Variants in CDR2 observed in about 807,000 individuals in gnomAD.
CDR2 encodes cerebellar degeneration-related protein 2.
Under a neutral mutation model 48.4 loss-of-function variants are expected in CDR2, and 34 were observed. The observed-to-expected ratio is 0.70, with a 90% CI of 0.53 to 0.94. The LOEUF (loss-of-function observed/expected upper bound fraction) is 0.94. Among genes scored for constraint, CDR2 ranks in the 40% least tolerant of loss-of-function variants. The pLI is 0.00. For synonymous variants in CDR2, 240 were observed against 219.7 expected (o/e 1.09, Z -0.82); for missense variants, 498 against 549.5 (o/e 0.91, Z 0.94).
At chr16:22,348,245 T>C (rs979695423) in intron 4 of CDR2, among the ~76,000 whole-genome samples, 2 of 152,110 alleles carry the variant, frequency 1.3e-5, no homozygotes, top group South Asian at 2.1e-4. Context: ...CCAACAGTGA[T>C]TGGTTTTTAG....
Position 22,347,775 on chromosome 16 carries a change from T to A in CDR2, c.555A>T (p.Gln185His). Reference protein sequence around the residue: ...HVFAEKITSLQGQPSPDEEEN... With the variant: ...HVFAEKITSLHGQPSPDEEEN... ...CCTCTTCATCAGGGCTTGGCTGACC[T>A]TGCAAGGAAGTGATCTTCTCAGCGA... Residue 185 changes from glutamine (Q) to histidine (H), a missense_variant, in exon 5 of 5, where the codon CAA (glutamine) becomes CAT (histidine). Gln to His is a conservative substitution (Grantham distance 24). Coordinates refer to ENST00000268383, the MANE Select transcript of CDR2 (RefSeq NM_001802.2). The A allele has an allele frequency of 6.2e-7, 1 of 1,613,946 alleles. No individual in the cohort carries two copies. Among genetic ancestry groups the A allele is most frequent in the Admixed American group, 1.7e-5 (1 of 60,014 alleles).
At chr16:22,361,374 G>C (rs988872423) in intron 2 of CDR2, among the ~76,000 whole-genome samples, 3 of 152,222 alleles carry the variant, frequency 2.0e-5, no homozygotes, top group Admixed American at 6.5e-5. Flanking sequence ...ATAAAGTTTA[G>C]GGGGCCTCCT....
In CDR2 at chr16:22,374,332, A is replaced by C. The variant is rs772438592; in HGVS notation, c.-23T>G. On this transcript the variant is annotated 5_prime_UTR_variant, in exon 1 of 5. Coordinates refer to ENST00000268383, the MANE Select transcript of CDR2 (RefSeq NM_001802.2). Reference sequence around the variant, plus strand: ...CATCTCGGCTGGGTCTTCTAGGGGCAGCGGCCCCCGCCGCCGTCCCGCCTC... The same window carrying C: ...CATCTCGGCTGGGTCTTCTAGGGGCCGCGGCCCCCGCCGCCGTCCCGCCTC... 6.5e-7 allele frequency: 1 copy of C among 1,543,228 alleles called. No individual in the cohort carries two copies. The highest frequency in any genetic ancestry group is 1.4e-5 in the African/African-American group (1 of 70,460).
At chr16:22,365,178 C>T (rs1052466208) in intron 1 of CDR2, 164 bp from the exon 2 acceptor site, 41 of 568,386 alleles carry the variant, frequency 7.2e-5, no homozygotes, top group South Asian at 2.2e-4. Flanking sequence ...GTTAAACTGA[C>T]GCCTCCAGCA....
At chr16:22,370,582 C>T (rs752352639) in intron 1 of CDR2, among the ~76,000 whole-genome samples, 1 of 152,180 alleles carries the variant, frequency 6.6e-6, no homozygotes. Flanking sequence ...GCACTGAAGG[C>T]TCCTGCTGTC....
intron 2 of CDR2, among the ~76,000 whole-genome samples, chr16:22,364,652 C>T (rs1329031514): frequency 1.3e-5 from 2 of 152,036 alleles, no homozygotes; most frequent in Non-Finnish European, 2.9e-5. Flanking sequence ...CATCTGAGGA[C>T]AGGAGTTCGA....
intron 1 of CDR2, 165 bp from the exon 2 acceptor site, chr16:22,365,179 G>A: frequency 3.5e-6 from 2 of 568,662 alleles, no homozygotes; most frequent in South Asian, 2.1e-5. Flanking sequence ...TTAAACTGAC[G>A]CCTCCAGCAG....
At chr16:22,372,429 A>C (rs1321246556) in intron 1 of CDR2, among the ~76,000 whole-genome samples, 2 of 152,362 alleles carry the variant, frequency 1.3e-5, no homozygotes, top group African/African-American at 4.8e-5. Flanking sequence ...AGCTTCCAGT[A>C]TGTGCCAAGT....
intron 4 of CDR2, 99 bp from the exon 5 acceptor site, chr16:22,347,922 C>A: frequency 8.5e-7 from 1 of 1,174,842 alleles, no homozygotes; most frequent in Non-Finnish European, 1.2e-6. Context: ...ATTTGAGGAG[C>A]TGTGACAGTG....
intron 2 of CDR2, among the ~76,000 whole-genome samples, chr16:22,362,125 T>C (rs2049014460): frequency 6.6e-6 from 1 of 152,072 alleles, no homozygotes; most frequent in East Asian, 1.9e-4. Flanking sequence ...ATGGTCTCGA[T>C]TTCCTGACCT....
In CDR2 at chr16:22,349,764, TCCCTTGCTGTGAC is replaced by T; in HGVS notation, c.265_277del (p.Val89AsnfsTer9). On this transcript the variant is annotated frameshift_variant, in exon 3 of 5. Coordinates refer to ENST00000268383, the MANE Select transcript of CDR2 (RefSeq NM_001802.2). LOFTEE classifies it high-confidence loss of function. ...TAGCTTTTGATTTGTTTCTTCCAGT[TCCCTTGCTGTGAC>T]GTCTAATTGTTCATAAACCTTTGCA... The T allele has an allele frequency of 6.2e-7, 1 of 1,614,118 alleles. No individual in the cohort carries two copies. The highest frequency in any genetic ancestry group is 8.5e-7 in the Non-Finnish European group (1 of 1,179,954).
chr16:22,349,987 G>A (rs1383909542), intron 2 of CDR2, 138 bp from the exon 3 acceptor site: 11 of 720,126 alleles, frequency 1.5e-5, no homozygotes, highest in African/African-American at 3.6e-5. Context: ...TTAGGAATTC[G>A]AGACCAGCCT....
rs1226516529 is a variant in CDR2, at chr16:22,347,676, A to C, written c.654T>G (p.Thr218=). 2.5e-6 allele frequency: 4 copies of C among 1,613,636 alleles called. No individual in the cohort carries two copies. Among genetic ancestry groups the C allele is most frequent in the South Asian group, 1.1e-5 (1 of 91,070 alleles). ...ACACGAGCCCATATTCCTCCTCCAT[A>C]GTCACCCGCTTCTGCCGCTCCAGGC... ...QLSLERQKRV[T]MEEEYGLVLK... The change falls in exon 5 of 5, where the codon ACT becomes ACG. Residue 218 remains threonine (T), a synonymous_variant. Coordinates refer to ENST00000268383, the MANE Select transcript of CDR2 (RefSeq NM_001802.2).
At chr16:22,362,581 G>A (rs987097360) in intron 2 of CDR2, among the ~76,000 whole-genome samples, 8 of 152,230 alleles carry the variant, frequency 5.3e-5, no homozygotes, top group Admixed American at 5.2e-4. Flanking sequence ...ATCAGGCCTC[G>A]GATAAACCTC....
chr16:22,350,742 C>A (rs1287076427), intron 2 of CDR2, among the ~76,000 whole-genome samples: 1 of 152,092 alleles, frequency 6.6e-6, no homozygotes, highest in Non-Finnish European at 1.5e-5. Flanking sequence ...AAAGCATATA[C>A]CATGCATAAA....
intron 2 of CDR2, among the ~76,000 whole-genome samples, chr16:22,357,380 T>C (rs1224522341): frequency 6.6e-6 from 1 of 152,198 alleles, no homozygotes; most frequent in East Asian, 1.9e-4. Flanking sequence ...TGGAAGGCTC[T>C]TGTGTATCTA....
In CDR2 at chr16:22,349,936, C is replaced by T. The variant is rs2048931504; in HGVS notation, c.193-87G>A. The T allele has an allele frequency of 2.3e-6, 3 of 1,297,512 alleles. No individual in the cohort carries two copies. The South Asian group carries it at 3.8e-5, about 17-fold the overall frequency. 80.4% of individuals were successfully genotyped at this position (1,297,512 alleles called of 1,614,324 possible). ...GGCTGCGGTGGCTCACGCCTGTAATCCCAGCACTTTGGGAGGCCAAGACGT... is the reference window on the plus strand; with the variant it reads ...GGCTGCGGTGGCTCACGCCTGTAATTCCAGCACTTTGGGAGGCCAAGACGT... On this transcript the variant is annotated intron_variant, in intron 2 of 4. Coordinates refer to ENST00000268383, the MANE Select transcript of CDR2 (RefSeq NM_001802.2).
chr16:22,346,919 G>C lies in CDR2; in HGVS notation c.*46C>G, dbSNP rs374486767. On this transcript the variant is annotated 3_prime_UTR_variant, in exon 5 of 5. Coordinates refer to ENST00000268383, the MANE Select transcript of CDR2 (RefSeq NM_001802.2). Reference sequence around the variant, plus strand: ...CAAACACTTGTCTGAATGGGAGAGAGAGGCGATAGGCAATAGGCAAATTAG... The same window carrying C: ...CAAACACTTGTCTGAATGGGAGAGACAGGCGATAGGCAATAGGCAAATTAG... 3.4e-5 allele frequency: 54 copies of C among 1,566,288 alleles called. 1 individual carries two copies. Among genetic ancestry groups the C allele is most frequent in the Non-Finnish European group, 4.3e-5 (49 of 1,149,206 alleles).
intron 4 of CDR2, among the ~76,000 whole-genome samples, chr16:22,348,822 A>G (rs1482246832): frequency 1.3e-5 from 2 of 152,180 alleles, no homozygotes; most frequent in African/African-American, 4.8e-5. Flanking sequence ...GGTAGAAACT[A>G]TTTTGCTCGC....
Sources: gnomAD v4.1 joint callset for allele counts (sites outside exome capture counted in the v4.1 genomes callset) on GRCh38, gnomAD v4.1.1 for gene constraint, MANE v1.5 for transcripts, NCBI Gene and HGNC (gene_info 2026-07-23, HGNC 2026-07-21) for gene names.